The following ARHGAP20 variants were observed in gnomAD, a reference collection of about 807,000 sequenced individuals.
ARHGAP20 encodes the protein Rho GTPase activating protein 20, also known as rho GTPase-activating protein 20.
ARHGAP20 carries 34 observed loss-of-function variants against 73.7 expected under a neutral mutation model. That is an observed-to-expected ratio of 0.46 (90% CI 0.35 to 0.61). The LOEUF is 0.61. Among genes scored for constraint, ARHGAP20 ranks in the 20% least tolerant of loss-of-function variants. The pLI, the probability that ARHGAP20 is intolerant of heterozygous loss-of-function variation, is 0.00. For missense variants in ARHGAP20, 1,314 were observed against 1,420.9 expected (o/e 0.92, Z 1.21); for synonymous variants, 523 against 518.2 (o/e 1.01, Z -0.13).
chr11:110,596,279 C>A (rs1057476673), intron 9 of ARHGAP20, among the ~76,000 whole-genome samples: 2 of 150,928 alleles, frequency 1.3e-5, no homozygotes, highest in Non-Finnish European at 2.9e-5. Flanking sequence ...GCAACAAGGG[C>A]CAAAATTGAC....
chr11:110,589,545 A>C (rs1409861014), intron 11 of ARHGAP20: 1 of 985,336 alleles, frequency 1.0e-6, no homozygotes, highest in African/African-American at 1.7e-5. Flanking sequence ...GCTCTGGTGC[A>C]TTCCAATCCT....
At chr11:110,669,060 GA>G (rs560407631) in intron 2 of ARHGAP20, among the ~76,000 whole-genome samples, 2 of 152,002 alleles carry the variant, frequency 1.3e-5, no homozygotes, top group African/African-American at 2.4e-5. Flanking sequence ...TTTGGATATA[GA>G]AAAAAATTAA....
At chr11:110,699,836 G>A (rs1040216700) in intron 1 of ARHGAP20, among the ~76,000 whole-genome samples, 2 of 151,822 alleles carry the variant, frequency 1.3e-5, no homozygotes, top group Non-Finnish European at 2.9e-5. Context: ...TTTTCACATA[G>A]TAAATTCTCA....
chr11:110,681,044 A>C (rs549374598), intron 2 of ARHGAP20, among the ~76,000 whole-genome samples: 2 of 152,298 alleles, frequency 1.3e-5, no homozygotes, highest in South Asian at 4.1e-4. Flanking sequence ...TTAAATTTCT[A>C]CTTTGGTGTT....
intron 1 of ARHGAP20, 114 bp from the exon 2 acceptor site, chr11:110,690,743 G>A: frequency 9.7e-7 from 1 of 1,030,236 alleles, no homozygotes; most frequent in Non-Finnish European, 1.5e-6. Flanking sequence ...TGTCTGTCAA[G>A]GAGCCTACAG....
At chr11:110,695,448 G>A (rs1307883012) in intron 1 of ARHGAP20, among the ~76,000 whole-genome samples, 2 of 151,538 alleles carry the variant, frequency 1.3e-5, no homozygotes, top group Admixed American at 1.3e-4. Context: ...TCTGACAAGT[G>A]ACTTGTATCT....
chr11:110,626,913 T>C (rs1948755458), intron 3 of ARHGAP20, among the ~76,000 whole-genome samples: 1 of 152,136 alleles, frequency 6.6e-6, no homozygotes, highest in Non-Finnish European at 1.5e-5. Flanking sequence ...GGTCATAGAA[T>C]GCTTCTTCAG....
At chr11:110,610,322 G>A (rs1948336827) in intron 7 of ARHGAP20, among the ~76,000 whole-genome samples, 2 of 150,938 alleles carry the variant, frequency 1.3e-5, no homozygotes, top group Admixed American at 1.3e-4. Context: ...ATAATACTAT[G>A]GCATGTCTTA....
At chr11:110,635,839 A>T (rs992698676) in intron 2 of ARHGAP20, among the ~76,000 whole-genome samples, 4 of 152,126 alleles carry the variant, frequency 2.6e-5, no homozygotes, top group African/African-American at 9.7e-5. Flanking sequence ...TGAAGAAGGT[A>T]TAATAGAATC....
At position 110,712,194 on chromosome 11, in the gene ARHGAP20, C is replaced by G. The variant is rs751439808; in HGVS notation, c.38G>C (p.Gly13Ala). The change falls in exon 1 of 15, where the codon GGA (glycine) becomes GCA (alanine). Residue 13 changes from glycine to alanine, a missense_variant. This residue lies in a region of ARHGAP20 where 443 missense variants were observed against 466.4 expected (regional missense o/e 0.95). Coordinates refer to ENST00000683387, the MANE Select transcript of ARHGAP20 (RefSeq NM_001384657.1). The part of the protein sequence containing the change: ...AMSPQQETLG[G>A]QPGRSSSLTG... ...CAGGGAAGAGGAGCGCCCCGGCTGTCCCCCTAGAGTCTCCTGCTGGGGGGA... is the reference window on the plus strand; with the variant it reads ...CAGGGAAGAGGAGCGCCCCGGCTGTGCCCCTAGAGTCTCCTGCTGGGGGGA... The G allele has an allele frequency of 7.4e-7, 1 of 1,359,216 alleles. No individual in the cohort carries two copies. The highest frequency in any genetic ancestry group is 9.5e-7 in the Non-Finnish European group (1 of 1,050,530). 84.2% of individuals were successfully genotyped at this position (1,359,216 alleles called of 1,614,324 possible). A position where few individuals can be genotyped will look rare whatever the true frequency, so the allele number is the denominator to read the frequency against.
rs547620760 is a variant in ARHGAP20 at position 110,682,409 on chromosome 11, A to G, written c.188+8138T>C. Among the ~76,000 whole-genome samples the G allele has an allele frequency of 2.0e-5, 3 of 152,238 alleles. No individual in the cohort carries two copies. In the South Asian group the frequency reaches 6.2e-4, roughly 32 times the overall value. On this transcript the variant is annotated intron_variant, in intron 2 of 14. Transcript: ENST00000683387. ...TCATCTCTGGTTGAAAAACTTACCC[A>G]AGATCACACATAGCTAGTAAGGGGA...
chr11:110,676,247 A>G (rs1208915378), intron 2 of ARHGAP20, among the ~76,000 whole-genome samples: 1 of 152,202 alleles, frequency 6.6e-6, no homozygotes, highest in East Asian at 1.9e-4. Flanking sequence ...TAAAATACAT[A>G]AACTTTGAAG....
At chr11:110,620,816 A>G (rs972633624) in intron 4 of ARHGAP20, among the ~76,000 whole-genome samples, 61 of 152,146 alleles carry the variant, frequency 4.0e-4, no homozygotes, top group Non-Finnish European at 8.8e-5. Flanking sequence ...TCATGTCCGT[A>G]ATCCCAGCAC....
chr11:110,597,941 T>C (rs1234286957), intron 9 of ARHGAP20, among the ~76,000 whole-genome samples: 1 of 152,238 alleles, frequency 6.6e-6, no homozygotes, highest in Non-Finnish European at 1.5e-5. Context: ...GCTATTGCTA[T>C]AAGAAATGAG....
At chr11:110,694,133 A>G (rs1363084852) in intron 1 of ARHGAP20, among the ~76,000 whole-genome samples, 2 of 151,918 alleles carry the variant, frequency 1.3e-5, no homozygotes, top group Non-Finnish European at 2.9e-5. Context: ...CAAAAACTAA[A>G]TAAGAATTTT....
In ARHGAP20 at chr11:110,606,724, T is replaced by A; in HGVS notation, c.801A>T (p.Lys267Asn). ...GTGCAGAGTCTCGAAGATGGCTCATTTTAATTCCATATGGATATTCATGCC... is the reference window on the plus strand; with the variant it reads ...GTGCAGAGTCTCGAAGATGGCTCATATTAATTCCATATGGATATTCATGCC... ...LIGHEYPYGI[K>N]MSHLRDSALL... The change falls in exon 9 of 15, where the codon AAA (lysine) becomes AAT (asparagine). Residue 267 changes from lysine (K) to asparagine (N), a missense_variant. Transcript: ENST00000683387. 1 of 1,570,448 alleles carries A rather than the reference T, an allele frequency of 6.4e-7. No individual in the cohort carries two copies. The highest frequency in any genetic ancestry group is 8.6e-7 in the Non-Finnish European group (1 of 1,162,070).
chr11:110,589,297 C>T, intron 11 of ARHGAP20: 1 of 637,630 alleles, frequency 1.6e-6, no homozygotes, highest in Non-Finnish European at 2.0e-6. Context: ...TAGCTTCAAC[C>T]CTCCAGTTCT....
intron 1 of ARHGAP20, among the ~76,000 whole-genome samples, chr11:110,710,738 C>T (rs1177424926): frequency 6.6e-6 from 1 of 152,170 alleles, no homozygotes; most frequent in Non-Finnish European, 1.5e-5. Context: ...CTCCGTGACA[C>T]GGTCAAGGTC....
At chr11:110,650,903 G>A (rs1949336318) in intron 2 of ARHGAP20, among the ~76,000 whole-genome samples, 1 of 152,140 alleles carries the variant, frequency 6.6e-6, no homozygotes, top group South Asian at 2.1e-4. Flanking sequence ...AAGCCCTGAT[G>A]CGAGGACAAA....
Sources: allele counts gnomAD v4.1 joint callset (sites outside exome capture counted in the v4.1 genomes callset), GRCh38; gene constraint gnomAD v4.1.1; regional missense constraint gnomAD v4.1.1; transcripts MANE v1.5; gene names NCBI Gene and HGNC (gene_info 2026-07-23, HGNC 2026-07-21).